The following ADAMTS12 variants were observed in gnomAD, a reference collection of about 807,000 sequenced individuals.
ADAMTS12 encodes the protein A disintegrin and metalloproteinase with thrombospondin motifs 12.
In ADAMTS12, 118 loss-of-function variants were observed where a neutral mutation model predicts 167.8. That is an observed-to-expected ratio of 0.70 (90% confidence interval 0.61 to 0.82). The LOEUF (loss-of-function observed/expected upper bound fraction) is 0.82, where lower values mean the gene tolerates loss of function less well. Among genes scored for constraint, ADAMTS12 ranks in the 40% least tolerant of loss-of-function variants. The pLI, the probability that ADAMTS12 is intolerant of heterozygous loss-of-function variation, is 0.00. For synonymous variants in ADAMTS12, 704 were observed against 716.9 expected, an observed-to-expected ratio of 0.98 and a Z score of 0.29; for missense variants, 1,916 against 1,998.8, an observed-to-expected ratio of 0.96 and a Z score of 0.79.
At chr5:33,546,633 G>A (rs990400240) in intron 21 of ADAMTS12, among the ~76,000 whole-genome samples, 7 of 152,116 alleles carry the variant, frequency 4.6e-5, no homozygotes, top group African/African-American at 1.4e-4. Context: ...TCCATAGTAG[G>A]AGTAATAAAA....
At chr5:33,850,669 T>A (rs1038072920) in intron 2 of ADAMTS12, among the ~76,000 whole-genome samples, 2 of 152,210 alleles carry the variant, frequency 1.3e-5, no homozygotes, top group African/African-American at 4.8e-5. Flanking sequence ...TGACCTGGGC[T>A]AGGATATTAT....
chr5:33,640,931 A>G (rs995697105), intron 11 of ADAMTS12, among the ~76,000 whole-genome samples: 1 of 151,224 alleles, frequency 6.6e-6, no homozygotes, highest in Admixed American at 6.6e-5. Flanking sequence ...AAAAAGGATA[A>G]ATAACCTTTG....
At chr5:33,879,392 C>T (rs1451061968) in intron 2 of ADAMTS12, among the ~76,000 whole-genome samples, 2 of 152,162 alleles carry the variant, frequency 1.3e-5, no homozygotes, top group South Asian at 4.1e-4. Flanking sequence ...TCATCCAGAA[C>T]TTTCTCCAGT....
At chr5:33,563,318 C>T (rs893522260) in intron 19 of ADAMTS12, among the ~76,000 whole-genome samples, 2 of 152,188 alleles carry the variant, frequency 1.3e-5, no homozygotes, top group African/African-American at 4.8e-5. Flanking sequence ...GAATTTATTT[C>T]TCCAGCTCTT....
chr5:33,562,392 C>T (rs1745790150), intron 19 of ADAMTS12, among the ~76,000 whole-genome samples: 1 of 152,066 alleles, frequency 6.6e-6, no homozygotes, highest in African/African-American at 2.4e-5. Context: ...AAATGTCCAT[C>T]ACAAAATTTG....
At chr5:33,714,522 A>T (rs912053916) in intron 3 of ADAMTS12, among the ~76,000 whole-genome samples, 3 of 152,112 alleles carry the variant, frequency 2.0e-5, no homozygotes, top group Non-Finnish European at 2.9e-5. Context: ...AGCACTATTC[A>T]TAAGAGCCAA....
chr5:33,827,752 T>C (rs1748141740), intron 2 of ADAMTS12, among the ~76,000 whole-genome samples: 1 of 147,192 alleles, frequency 6.8e-6, no homozygotes, highest in Admixed American at 6.7e-5. Context: ...GATAGATAGA[T>C]AGATAGATAG....
intron 2 of ADAMTS12, among the ~76,000 whole-genome samples, chr5:33,823,865 G>A (rs1333544928): frequency 6.6e-6 from 1 of 152,076 alleles, no homozygotes; most frequent in Non-Finnish European, 1.5e-5. Flanking sequence ...ATAAAAAATA[G>A]GGTGAATTGG....
intron 5 of ADAMTS12, among the ~76,000 whole-genome samples, chr5:33,670,379 A>G (rs1741633278): frequency 6.6e-6 from 1 of 152,180 alleles, no homozygotes; most frequent in Admixed American, 6.6e-5. Flanking sequence ...AAACTGAATC[A>G]TTCACTGCTG....
At chr5:33,772,493 C>T (rs1007201502) in intron 2 of ADAMTS12, among the ~76,000 whole-genome samples, 3 of 152,164 alleles carry the variant, frequency 2.0e-5, no homozygotes, top group African/African-American at 7.2e-5. Context: ...GTATTACTCA[C>T]TTGGAAAACA....
intron 6 of ADAMTS12, among the ~76,000 whole-genome samples, chr5:33,659,712 C>T (rs180724470): frequency 2.4e-4 from 36 of 152,326 alleles, no homozygotes; most frequent in Non-Finnish European, 4.6e-4. Flanking sequence ...TGGCTTGCAG[C>T]AGCCACTAGC....
intron 17 of ADAMTS12, among the ~76,000 whole-genome samples, chr5:33,593,696 G>A (rs1203253316): frequency 6.6e-6 from 1 of 152,074 alleles, no homozygotes; most frequent in East Asian, 1.9e-4. Context: ...GGGGGGCTAG[G>A]GGTGGGAGAG....
rs181693802 is a variant in ADAMTS12 at position 33,547,437 on chromosome 5, A to G, written c.4303-1235T>C. ...ACCACTGGTGTAGAGATGGTCCCAC[A>G]GCTAAAATGCATCTGCCATGGAGGG... On this transcript the variant is annotated intron_variant, in intron 21 of 23. Coordinates refer to ENST00000504830, the MANE Select transcript of ADAMTS12 (RefSeq NM_030955.4). Among the ~76,000 whole-genome samples, 39 of 152,214 alleles carry G rather than the reference A, an allele frequency of 2.6e-4. No homozygotes were observed. The East Asian group carries it at 3.9e-3, about 15-fold the overall frequency.
chr5:33,614,458 A>C (rs1738883851), intron 15 of ADAMTS12, 82 bp from the exon 16 acceptor site: 2 of 1,541,400 alleles, frequency 1.3e-6, no homozygotes, highest in Non-Finnish European at 1.8e-6. Context: ...ACAAAATGTC[A>C]GTCATCTAAA....
intron 16 of ADAMTS12, among the ~76,000 whole-genome samples, chr5:33,611,609 T>C (rs565325536): frequency 5.6e-4 from 85 of 152,334 alleles, no homozygotes; most frequent in Non-Finnish European, 1.1e-3. Context: ...ATATTTATAT[T>C]CTTTGAACCT....
chr5:33,795,920 C>G (rs1216025484), intron 2 of ADAMTS12, among the ~76,000 whole-genome samples: 1 of 152,238 alleles, frequency 6.6e-6, no homozygotes, highest in Non-Finnish European at 1.5e-5. Flanking sequence ...AGTCCATTCT[C>G]TCTTCCATTG....
At chr5:33,566,261 AGAC>A (rs1746009509) in intron 19 of ADAMTS12, among the ~76,000 whole-genome samples, 1 of 152,212 alleles carries the variant, frequency 6.6e-6, no homozygotes, top group African/African-American at 2.4e-5. Context: ...CAGGAGTTCC[AGAC>A]TAGCCTGGTC....
In ADAMTS12 at chr5:33,683,093, C is replaced by T. The variant is rs374745910; in HGVS notation, c.840G>A (p.Gly280=). Residue 280 remains glycine, a synonymous_variant, in exon 5 of 24, where the codon GGG becomes GGA. Transcript: ENST00000504830. ...YILTIMNMVT[G]LFHNPSIGNA... ...TGCCAATGCTTGGGTTATGGAACAA[C>T]CCAGTGACCTAGGGTCAGAAATAGA... 13 of 1,612,362 alleles carry T rather than the reference C, an allele frequency of 8.1e-6. No individual in the cohort carries two copies. The highest frequency in any genetic ancestry group is 1.7e-5 in the Admixed American group (1 of 59,800).
intron 5 of ADAMTS12, among the ~76,000 whole-genome samples, chr5:33,663,233 A>T (rs917380042): frequency 1.3e-5 from 2 of 152,218 alleles, no homozygotes; most frequent in South Asian, 2.1e-4. Context: ...TCATTGTTAC[A>T]TCACCCAGCA....
Sources: gnomAD v4.1 joint callset for allele counts (sites outside exome capture counted in the v4.1 genomes callset) on GRCh38, gnomAD v4.1.1 for gene constraint, MANE v1.5 for transcripts, NCBI Gene and HGNC (gene_info 2026-07-23, HGNC 2026-07-21) for gene names.